The following CSTPP1 variants were observed in gnomAD, a reference collection of about 807,000 sequenced individuals.
CSTPP1 encodes centriolar satellite-associated tubulin polyglutamylase complex regulator 1, also known as UPF0705 protein C11orf49.
At chr11:47,132,685 C>T in the CSTPP1 span, among the ~76,000 whole-genome samples, 1 of 152,194 alleles carries the variant, frequency 6.6e-6, no homozygotes, top group African/African-American at 2.4e-5. Context: ...CCCAACTACC[C>T]TGTGCTGTTT....
chr11:47,011,321 A>G, the CSTPP1 span, among the ~76,000 whole-genome samples: 1 of 152,254 alleles, frequency 6.6e-6, no homozygotes, highest in Non-Finnish European at 1.5e-5. Flanking sequence ...TGAAAGATGA[A>G]TGACGAGAAG....
chr11:46,988,583 G>C, the CSTPP1 span, among the ~76,000 whole-genome samples: 3 of 147,764 alleles, frequency 2.0e-5, no homozygotes, highest in African/African-American at 7.5e-5. Flanking sequence ...GCAGGGGGCT[G>C]GGGGAAGAGG....
chr11:47,054,279 C>A, the CSTPP1 span, among the ~76,000 whole-genome samples: 7 of 145,106 alleles, frequency 4.8e-5, no homozygotes, highest in Admixed American at 4.9e-4. Flanking sequence ...CTACTGCACT[C>A]CAGCCTGGGT....
At chr11:46,961,294 T>C in the CSTPP1 span, among the ~76,000 whole-genome samples, 2 of 152,352 alleles carry the variant, frequency 1.3e-5, no homozygotes, top group East Asian at 3.9e-4. Context: ...ATTGTGGGTT[T>C]GTTTTGCATT....
chr11:47,032,761 T>C, the CSTPP1 span, among the ~76,000 whole-genome samples: 1 of 152,112 alleles, frequency 6.6e-6, no homozygotes, highest in South Asian at 2.1e-4. Flanking sequence ...TTTTGTAGCA[T>C]AAGGAAGAAG....
At chr11:47,065,312 G>C in the CSTPP1 span, among the ~76,000 whole-genome samples, 2 of 149,922 alleles carry the variant, frequency 1.3e-5, no homozygotes, top group Non-Finnish European at 3.0e-5. Flanking sequence ...GTTTCTTTCA[G>C]CAATTTTTTT....
At chr11:47,117,513 G>A in the CSTPP1 span, among the ~76,000 whole-genome samples, 1 of 152,170 alleles carries the variant, frequency 6.6e-6, no homozygotes, top group Non-Finnish European at 1.5e-5. Flanking sequence ...TTAGTCTGAT[G>A]GGCTTCCCTT....
At chr11:46,964,730 A>G in the CSTPP1 span, among the ~76,000 whole-genome samples, 2 of 152,182 alleles carry the variant, frequency 1.3e-5, no homozygotes, top group African/African-American at 4.8e-5. Flanking sequence ...GGATATATCT[A>G]TCAAATTGTT....
chr11:46,936,951 G>T, the CSTPP1 span: 2 of 1,297,610 alleles, frequency 1.5e-6, no homozygotes, highest in Non-Finnish European at 2.0e-6. Flanking sequence ...GATCGGGTCC[G>T]GGTGGTATGG....
chr11:47,141,801 T>C, the CSTPP1 span, among the ~76,000 whole-genome samples: 1 of 151,040 alleles, frequency 6.6e-6, no homozygotes, highest in African/African-American at 2.4e-5. Context: ...GGCATGGTGG[T>C]GCACATCTAT....
At chr11:47,117,211 T>C in the CSTPP1 span, among the ~76,000 whole-genome samples, 1 of 152,244 alleles carries the variant, frequency 6.6e-6, no homozygotes, top group Non-Finnish European at 1.5e-5. Context: ...TGTTAATTGA[T>C]GCAGTTTCTT....
the CSTPP1 span, among the ~76,000 whole-genome samples, chr11:46,963,768 G>A: frequency 6.8e-6 from 1 of 147,830 alleles, no homozygotes; most frequent in Admixed American, 6.7e-5. Flanking sequence ...CTGGGCAACA[G>A]AGTGAGACTC....
chr11:46,994,414 T>C, the CSTPP1 span, among the ~76,000 whole-genome samples: 2 of 152,174 alleles, frequency 1.3e-5, no homozygotes, highest in African/African-American at 2.4e-5. Context: ...GGCTGTGGGA[T>C]TGTCATAAAT....
At chr11:46,971,389 A>G in the CSTPP1 span, among the ~76,000 whole-genome samples, 1 of 152,222 alleles carries the variant, frequency 6.6e-6, no homozygotes, top group Non-Finnish European at 1.5e-5. Context: ...TCTTGGATGT[A>G]ATATAATCTG....
At chr11:47,132,371 C>CAA in the CSTPP1 span, among the ~76,000 whole-genome samples, 1 of 152,188 alleles carries the variant, frequency 6.6e-6, no homozygotes, top group Non-Finnish European at 1.5e-5. Context: ...TAGCTAAGTT[C>CAA]AAAGATTCCT....
the CSTPP1 span, among the ~76,000 whole-genome samples, chr11:46,984,512 T>C: frequency 6.6e-6 from 1 of 152,336 alleles, no homozygotes; most frequent in African/African-American, 2.4e-5. Context: ...ATGTTAAACA[T>C]GCATGGTCCA....
chr11:47,137,571 C>G, the CSTPP1 span: 2 of 1,609,798 alleles, frequency 1.2e-6, no homozygotes, highest in Admixed American at 1.7e-5. Flanking sequence ...GTCTGAAACT[C>G]ATGAAATGAA....
chr11:47,157,917 CCCT>C, the CSTPP1 span: 2 of 1,613,144 alleles, frequency 1.2e-6, no homozygotes, highest in African/African-American at 2.7e-5. Context: ...ATCAACCAAG[CCCT>C]CGGTAAGTCA....
the CSTPP1 span, chr11:47,161,355 T>C: frequency 6.3e-7 from 1 of 1,586,704 alleles, no homozygotes; most frequent in Non-Finnish European, 8.5e-7. Flanking sequence ...TCTGAGTCCT[T>C]TGGGGGCTGC....
Sources: allele counts gnomAD v4.1 joint callset (sites outside exome capture counted in the v4.1 genomes callset), GRCh38; gene constraint gnomAD v4.1.1; transcripts MANE v1.5; gene names NCBI Gene and HGNC (gene_info 2026-07-23, HGNC 2026-07-21).